Variants in ENPP6 observed in about 807,000 individuals in gnomAD.
The protein encoded by ENPP6 is glycerophosphocholine cholinephosphodiesterase ENPP6.
ENPP6 carries 32 observed loss-of-function variants against 42.0 expected under a neutral mutation model. The observed-to-expected ratio is 0.76, with a 90% CI of 0.58 to 1.02. The LOEUF (loss-of-function observed/expected upper bound fraction) is 1.02, where lower values mean the gene tolerates loss of function less well. Ranked by LOEUF, ENPP6 falls within the 50% of genes least tolerant of loss-of-function variation. ENPP6 has a pLI of 0.00. For synonymous variants in ENPP6, 213 were observed against 216.0 expected (o/e 0.99, Z 0.12); for missense variants, 552 against 566.8 (o/e 0.97, Z 0.27).
rs115262356 is a variant in ENPP6 at position 184,139,124 on chromosome 4, G to A, written c.421+14430C>T. ...TGGACAGGTGCAATCCTTCTGCTCC[G>A]TCTCTGCAGAATGGTCTCTCCACAG... On this transcript the variant is annotated intron_variant, in intron 2 of 7. Coordinates refer to ENST00000296741, the MANE Select transcript of ENPP6 (RefSeq NM_153343.4). Among the ~76,000 whole-genome samples, 1,012 of 152,294 alleles carry A rather than the reference G, an allele frequency of 6.6e-3. 11 individuals carry two copies. Among genetic ancestry groups the A allele is most frequent in the African/African-American group, 0.023 (945 of 41,570 alleles).
intron 1 of ENPP6, among the ~76,000 whole-genome samples, chr4:184,168,511 TG>T (rs1205280562): frequency 7.1e-6 from 1 of 141,116 alleles, no homozygotes; most frequent in Non-Finnish European, 1.5e-5. Context: ...TGCACGGGGG[TG>T]AAAGTTACAG....
chr4:184,175,859 G>A (rs537489019), intron 1 of ENPP6, among the ~76,000 whole-genome samples: 6 of 152,334 alleles, frequency 3.9e-5, no homozygotes, highest in Non-Finnish European at 7.3e-5. Context: ...TAGGTGCACC[G>A]GGTCAGATGT....
chr4:184,118,879 G>C (rs1736368439), intron 3 of ENPP6, among the ~76,000 whole-genome samples: 1 of 152,232 alleles, frequency 6.6e-6, no homozygotes, highest in African/African-American at 2.4e-5. Flanking sequence ...AGTCACCTGA[G>C]AGCTGCAAGG....
intron 6 of ENPP6, among the ~76,000 whole-genome samples, chr4:184,110,469 T>C (rs1324893344): frequency 6.6e-6 from 1 of 152,212 alleles, no homozygotes; most frequent in Non-Finnish European, 1.5e-5. Flanking sequence ...TTCATAACTG[T>C]GTATGTTTTC....
chr4:184,193,681 A>G lies in ENPP6; in HGVS notation c.241+23898T>C, dbSNP rs186711887. On this transcript the variant is annotated intron_variant, in intron 1 of 7. Transcript: ENST00000296741. The stretch of plus-strand genomic sequence containing the variant: ...TCATTTTAAAAGATCAGTTGAGATC[A>G]CCACTATAGATCCATATATGGGATC... 5.6e-3 allele frequency among the ~76,000 whole-genome samples: 858 copies of G among 152,328 alleles called. 9 individuals carry two copies. The highest frequency in any genetic ancestry group is 8.7e-3 in the Non-Finnish European group (589 of 68,018).
At chr4:184,187,093 G>A (rs1271507495) in intron 1 of ENPP6, among the ~76,000 whole-genome samples, 3 of 152,218 alleles carry the variant, frequency 2.0e-5, no homozygotes, top group Non-Finnish European at 2.9e-5. Context: ...GAAGCAGGCC[G>A]TAAAATCTCC....
In ENPP6 at chr4:184,217,831, C is replaced by G; in HGVS notation, c.-12G>C. The G allele has an allele frequency of 6.2e-7, 1 of 1,611,740 alleles. No homozygotes were observed. Among genetic ancestry groups the G allele is most frequent in the South Asian group, 1.1e-5 (1 of 90,830 alleles). On this transcript the variant is annotated 5_prime_UTR_variant, in exon 1 of 8. Coordinates refer to ENST00000296741, the MANE Select transcript of ENPP6 (RefSeq NM_153343.4). ...AGCTTCACTGCCATGCTGCCAGGAG[C>G]CTGCCAGAGCCCGGCTGGCACAGCT... is the stretch of plus-strand genomic sequence containing the variant.
chr4:184,202,051 C>G (rs1337812300), intron 1 of ENPP6, among the ~76,000 whole-genome samples: 1 of 152,172 alleles, frequency 6.6e-6, no homozygotes, highest in Non-Finnish European at 1.5e-5. Flanking sequence ...CCCACAGGAT[C>G]AATTTCTCTC....
chr4:184,201,337 AG>A (rs1204347983), intron 1 of ENPP6, among the ~76,000 whole-genome samples: 1 of 151,948 alleles, frequency 6.6e-6, no homozygotes, highest in Non-Finnish European at 1.5e-5. Flanking sequence ...CTGGAGCTGC[AG>A]GGGTCAAGCC....
At chr4:184,183,809 T>C (rs1732591950) in intron 1 of ENPP6, among the ~76,000 whole-genome samples, 1 of 152,208 alleles carries the variant, frequency 6.6e-6, no homozygotes, top group African/African-American at 2.4e-5. Flanking sequence ...ACTCGGCAAC[T>C]GCCTCACCAG....
At chr4:184,133,102 A>G (rs1736669763) in intron 2 of ENPP6, among the ~76,000 whole-genome samples, 1 of 151,970 alleles carries the variant, frequency 6.6e-6, no homozygotes, top group Non-Finnish European at 1.5e-5. Context: ...CTGACTCCAA[A>G]TAGTTTCAGC....
intron 6 of ENPP6, 155 bp downstream of exon 6, chr4:184,112,517 A>G: frequency 1.0e-6 from 1 of 981,834 alleles, no homozygotes; most frequent in Non-Finnish European, 1.4e-6. Flanking sequence ...TTACCCGATC[A>G]AGACTTTTGA....
chr4:184,163,758 A>G (rs998724110), intron 1 of ENPP6, among the ~76,000 whole-genome samples: 3 of 152,210 alleles, frequency 2.0e-5, no homozygotes, highest in African/African-American at 4.8e-5. Context: ...TCTGAGGCCT[A>G]TGTGTGTTTC....
chr4:184,213,121 A>G lies in ENPP6; in HGVS notation c.241+4458T>C, dbSNP rs1394921156. 3.4e-3 allele frequency among the ~76,000 whole-genome samples: 518 copies of G among 150,876 alleles called. 1 individual carries two copies. Among genetic ancestry groups the G allele is most frequent in the African/African-American group, 0.012 (480 of 40,210 alleles). On this transcript the variant is annotated intron_variant, in intron 1 of 7. Coordinates refer to ENST00000296741, the MANE Select transcript of ENPP6 (RefSeq NM_153343.4). ...GATTAAAGACTTAAACGTTAGACCTAAAACCATAAAAACCCTAGAAGAAAA... is the reference window on the plus strand; with the variant it reads ...GATTAAAGACTTAAACGTTAGACCTGAAACCATAAAAACCCTAGAAGAAAA...
intron 1 of ENPP6, among the ~76,000 whole-genome samples, chr4:184,175,959 T>A (rs1036449701): frequency 2.9e-4 from 44 of 152,272 alleles, no homozygotes; most frequent in African/African-American, 1.0e-3. Flanking sequence ...TAATCCTTTT[T>A]TTTTTCTTTG....
rs1732602488 is a variant in ENPP6, at chr4:184,184,654, G to A, written c.242-30921C>T. 6.6e-6 allele frequency among the ~76,000 whole-genome samples: 1 copy of A among 152,172 alleles called. No individual in the cohort carries two copies. The highest frequency in any genetic ancestry group is 1.5e-5 in the Non-Finnish European group (1 of 68,046). ...TCGTCCTGGGTGATCCAATGGTCCT[G>A]CATCCAATGGCAAGAGGTCTTATAA... is the stretch of plus-strand genomic sequence containing the variant. On this transcript the variant is annotated intron_variant, in intron 1 of 7. Transcript: ENST00000296741. The surrounding 1 kb of genome is among the most constrained non-coding windows in gnomAD (Gnocchi z 4.7).
chr4:184,208,620 A>G (rs1188279010), intron 1 of ENPP6, among the ~76,000 whole-genome samples: 4 of 150,592 alleles, frequency 2.7e-5, no homozygotes, highest in Non-Finnish European at 5.9e-5. Context: ...TTGCTAGCAC[A>G]GCGGTCTGAG....
chr4:184,134,663 T>A (rs960466350), intron 2 of ENPP6, among the ~76,000 whole-genome samples: 1 of 127,744 alleles, frequency 7.8e-6, no homozygotes, highest in East Asian at 2.2e-4. Context: ...ACTTTAACAG[T>A]TTTTTTTTCC....
At position 184,097,378 on chromosome 4, in the gene ENPP6, A is replaced by C. The variant is rs763381744; in HGVS notation, c.994-10T>G. 3.5e-5 allele frequency: 56 copies of C among 1,613,788 alleles called. No individual in the cohort carries two copies. The highest frequency in any genetic ancestry group is 4.6e-5 in the Non-Finnish European group (54 of 1,179,950). On this transcript the variant is annotated splice_polypyrimidine_tract_variant and intron_variant, in intron 6 of 7. Coordinates refer to ENST00000296741, the MANE Select transcript of ENPP6 (RefSeq NM_153343.4). ...GAAGCATCTCTCGATTCTGAAACCA[A>C]GCAAGGCAGACACATGACACTACGT...
Sources: allele counts gnomAD v4.1 joint callset (sites outside exome capture counted in the v4.1 genomes callset), GRCh38; gene constraint gnomAD v4.1.1; non-coding constraint Gnocchi (gnomAD v3.1); transcripts MANE v1.5; gene names NCBI Gene and HGNC (gene_info 2026-07-23, HGNC 2026-07-21).